The following IP6K1 variants were observed in gnomAD, a reference collection of about 807,000 sequenced individuals.
IP6K1 encodes the protein ATP:1D-myo-inositol-hexakisphosphate phosphotransferase.
In IP6K1, 13 loss-of-function variants were observed where a neutral mutation model predicts 38.3. The observed-to-expected ratio is 0.34, with a 90% confidence interval of 0.22 to 0.54. IP6K1 has a LOEUF of 0.54. Among genes scored for constraint, IP6K1 ranks in the 20% least tolerant of loss-of-function variants. IP6K1 has a pLI of 0.92. For missense variants in IP6K1, 397 were observed against 599.8 expected (o/e 0.66, Z 3.53); for synonymous variants, 212 against 229.9 (o/e 0.92, Z 0.70).
At chr3:49,749,904 C>T (rs1340890895) in intron 1 of IP6K1, among the ~76,000 whole-genome samples, 1 of 149,380 alleles carries the variant, frequency 6.7e-6, no homozygotes, top group Non-Finnish European at 1.5e-5. Context: ...GCAATACTGC[C>T]TTCAGGTCAA....
At chr3:49,741,585 CA>C (rs1372504416) in intron 2 of IP6K1, among the ~76,000 whole-genome samples, 1 of 152,146 alleles carries the variant, frequency 6.6e-6, no homozygotes, top group Non-Finnish European at 1.5e-5. Flanking sequence ...TAAATAAGAA[CA>C]AAGCCAGAAA....
intron 1 of IP6K1, among the ~76,000 whole-genome samples, chr3:49,778,577 G>A (rs181395860): frequency 1.3e-5 from 2 of 152,206 alleles, no homozygotes; most frequent in East Asian, 3.9e-4. Flanking sequence ...AGGTTGTAGT[G>A]AGCCGAGATC....
At chr3:49,751,300 T>G (rs1219956130) in intron 1 of IP6K1, among the ~76,000 whole-genome samples, 4 of 152,098 alleles carry the variant, frequency 2.6e-5, no homozygotes, top group African/African-American at 4.8e-5. Flanking sequence ...TAACTGGGAT[T>G]ACAGGTGTAT....
At chr3:49,742,832 G>C (rs1041589823) in intron 2 of IP6K1, among the ~76,000 whole-genome samples, 1 of 150,494 alleles carries the variant, frequency 6.6e-6, no homozygotes, top group Non-Finnish European at 1.5e-5. Context: ...TCAAGGCTGT[G>C]GTGAGTTGAG....
chr3:49,785,957 G>A (rs2081109140), intron 1 of IP6K1: 1 of 152,272 alleles, frequency 6.6e-6, no homozygotes, highest in Admixed American at 6.5e-5. Flanking sequence ...CCAGCGTCCT[G>A]AAAATCACTC....
At chr3:49,728,315 CCAT>C in intron 4 of IP6K1, 37 bp from the exon 5 acceptor site, 1 of 1,597,310 alleles carries the variant, frequency 6.3e-7, no homozygotes, top group Non-Finnish European at 8.6e-7. Flanking sequence ...ACCACACTCA[CCAT>C]CAGCCCCAGC....
intron 1 of IP6K1, among the ~76,000 whole-genome samples, chr3:49,763,944 C>T (rs1028403749): frequency 5.3e-5 from 8 of 151,962 alleles, no homozygotes; most frequent in Admixed American, 3.3e-4. Context: ...ATTGCTGGAA[C>T]CCGGGAGGCA....
At chr3:49,766,100 C>G (rs770065395) in intron 1 of IP6K1, among the ~76,000 whole-genome samples, 1 of 151,954 alleles carries the variant, frequency 6.6e-6, no homozygotes, top group African/African-American at 2.4e-5. Context: ...GGTGTCAATC[C>G]GGGAGGCGGA....
At chr3:49,752,194 A>G (rs935308545) in intron 1 of IP6K1, among the ~76,000 whole-genome samples, 1 of 151,800 alleles carries the variant, frequency 6.6e-6, no homozygotes, top group Non-Finnish European at 1.5e-5. Flanking sequence ...TTTTTTTTTT[A>G]AAGACAGGGT....
intron 1 of IP6K1, among the ~76,000 whole-genome samples, chr3:49,754,495 G>A (rs1414487201): frequency 1.3e-5 from 2 of 152,192 alleles, no homozygotes; most frequent in African/African-American, 2.4e-5. Flanking sequence ...ACCAGTCTGG[G>A]CAACATAGCA....
At chr3:49,778,874 C>A (rs2081041761) in intron 1 of IP6K1, among the ~76,000 whole-genome samples, 1 of 152,166 alleles carries the variant, frequency 6.6e-6, no homozygotes, top group South Asian at 2.1e-4. Context: ...GATCCTACTG[C>A]CTCAGCCTCC....
intron 4 of IP6K1, among the ~76,000 whole-genome samples, chr3:49,729,658 T>C (rs1426124561): frequency 3.3e-5 from 5 of 152,084 alleles, no homozygotes; most frequent in Non-Finnish European, 7.4e-5. Context: ...TCTGCCTGCC[T>C]TGGCCTCCCA....
At chr3:49,738,859 T>G (rs1261085962) in intron 2 of IP6K1, among the ~76,000 whole-genome samples, 4 of 152,282 alleles carry the variant, frequency 2.6e-5, no homozygotes, top group African/African-American at 9.6e-5. Context: ...ACATCAACAC[T>G]TCTCCCTCCA....
At chr3:49,733,014 A>G in intron 3 of IP6K1, 42 bp from the exon 4 acceptor site, 1 of 1,517,826 alleles carries the variant, frequency 6.6e-7, no homozygotes, top group South Asian at 1.2e-5. Context: ...AACTCAGGCA[A>G]GTCATCCTCT....
chr3:49,751,522 T>G (rs1348415876), intron 1 of IP6K1, among the ~76,000 whole-genome samples: 1 of 152,096 alleles, frequency 6.6e-6, no homozygotes, highest in Non-Finnish European at 1.5e-5. Context: ...GAGGCTACTG[T>G]GAAAACTACT....
chr3:49,732,094 T>C (rs942760149), intron 4 of IP6K1, among the ~76,000 whole-genome samples: 8 of 151,860 alleles, frequency 5.3e-5, no homozygotes, highest in African/African-American at 1.9e-4. Flanking sequence ...CACATCCAAC[T>C]AATTTTTTTA....
At chr3:49,733,011 G>C in intron 3 of IP6K1, 39 bp from the exon 4 acceptor site, 3 of 1,535,832 alleles carry the variant, frequency 2.0e-6, no homozygotes, top group Non-Finnish European at 2.7e-6. Context: ...AGAAACTCAG[G>C]CAAGTCATCC....
In IP6K1 at chr3:49,786,468, G is replaced by C. The variant is rs1011014612; in HGVS notation, c.-243C>G. ...GCACAGGTGGCTGAGCACCGCTACA[G>C]CGGCCTCTCACCGGCCGCTTGGTCC... On this transcript the variant is annotated 5_prime_UTR_variant, in exon 1 of 6. Transcript: ENST00000321599. 6.6e-6 allele frequency: 1 copy of C among 152,364 alleles called. No individual in the cohort carries two copies. Among genetic ancestry groups the C allele is most frequent in the African/African-American group, 2.4e-5 (1 of 41,466 alleles). The allele number at this position is 152,364 out of a possible 1,614,324, so 9.4% of individuals were successfully genotyped here. A position where few individuals can be genotyped will look rare whatever the true frequency, so the allele number is the denominator to read the frequency against.
intron 2 of IP6K1, among the ~76,000 whole-genome samples, chr3:49,745,913 T>C (rs1230072291): frequency 6.8e-6 from 1 of 147,836 alleles, no homozygotes; most frequent in Non-Finnish European, 1.5e-5. Context: ...AGGACTTGAA[T>C]AGACATTTCT....
Sources: allele counts gnomAD v4.1 joint callset (sites outside exome capture counted in the v4.1 genomes callset), GRCh38; gene constraint gnomAD v4.1.1; transcripts MANE v1.5; gene names NCBI Gene and HGNC (gene_info 2026-07-23, HGNC 2026-07-21).